Variants in FBXO30 observed in about 807,000 individuals in gnomAD.
The protein encoded by FBXO30 is F-box protein 30.
In FBXO30, 21 loss-of-function variants were observed where a neutral mutation model predicts 58.1. The observed-to-expected ratio is 0.36, with a 90% CI of 0.26 to 0.52. FBXO30 has a LOEUF of 0.52. Ranked by LOEUF, FBXO30 falls within the 20% of genes least tolerant of loss-of-function variation. The probability of loss-of-function intolerance (pLI) is 0.93; values close to 1 mark genes in which losing one functional copy is unlikely to be tolerated. For synonymous variants in FBXO30, 309 were observed against 312.4 expected (o/e 0.99, Z 0.11); for missense variants, 744 against 897.3 (o/e 0.83, Z 2.18).
intron 2 of FBXO30, among the ~76,000 whole-genome samples, chr6:145,802,020 C>T (rs373059789): frequency 6.6e-6 from 1 of 152,112 alleles, no homozygotes; most frequent in Admixed American, 6.5e-5. Context: ...CAAATATTTA[C>T]TCAGTGCCTA....
Position 145,796,028 on chromosome 6 carries a change from A to T in FBXO30, c.*4078T>A, listed in dbSNP as rs766676789. The stretch of plus-strand genomic sequence containing the variant: ...TAGGCAACATTTTCCAAATTTCCTT[A>T]CATCTAAACATCTCTTTTCTTCCTG... On this transcript the variant is annotated 3_prime_UTR_variant, in exon 3 of 3. Transcript: ENST00000237281. 1 of 151,954 alleles carries T rather than the reference A, an allele frequency of 6.6e-6. No individual in the cohort carries two copies. Among genetic ancestry groups the T allele is most frequent in the Non-Finnish European group, 1.5e-5 (1 of 67,880 alleles). 9.4% of individuals were successfully genotyped at this position (151,954 alleles called of 1,614,324 possible). A position where few individuals can be genotyped will look rare whatever the true frequency, so the allele number is the denominator to read the frequency against.
chr6:145,808,126 T>C (rs1778231446), intron 1 of FBXO30, among the ~76,000 whole-genome samples: 1 of 151,888 alleles, frequency 6.6e-6, no homozygotes, highest in Non-Finnish European at 1.5e-5. Context: ...AGAGTGAGGC[T>C]CTGTCTCAAA....
intron 2 of FBXO30, among the ~76,000 whole-genome samples, chr6:145,800,951 C>T (rs1240149896): frequency 1.3e-5 from 2 of 151,964 alleles, no homozygotes; most frequent in Admixed American, 1.3e-4. Flanking sequence ...CATTGTAAAA[C>T]ATGTTTCTAG....
At chr6:145,807,439 C>T (rs540170993) in intron 1 of FBXO30, among the ~76,000 whole-genome samples, 1 of 152,248 alleles carries the variant, frequency 6.6e-6, no homozygotes, top group African/African-American at 2.4e-5. Flanking sequence ...ATTAGCAAAA[C>T]CTCAAGTTCC....
In FBXO30 at chr6:145,804,641, C is replaced by T; in HGVS notation, c.1765G>A (p.Val589Ile). The T allele has an allele frequency of 1.9e-6, 3 of 1,613,866 alleles. No individual in the cohort carries two copies. The highest frequency in any genetic ancestry group is 2.5e-6 in the Non-Finnish European group (3 of 1,179,872). Reference sequence around the variant, plus strand: ...AATACTGTAGATACACATGGCTGAACTCCAAATGACCTCAAATGGCGGTCA... The same window carrying T: ...AATACTGTAGATACACATGGCTGAATTCCAAATGACCTCAAATGGCGGTCA... ...IHDRHLRSFG[V>I]QPCVSTVLVE... Residue 589 changes from valine to isoleucine, a missense_variant, in exon 2 of 3, where the codon GTT becomes ATT. Physicochemically the swap from Val to Ile is conservative, Grantham distance 29. Coordinates refer to ENST00000237281, the MANE Select transcript of FBXO30 (RefSeq NM_032145.5).
chr6:145,799,953 T>G lies in FBXO30; in HGVS notation c.*153A>C, dbSNP rs1207951880. 5 of 615,586 alleles carry G rather than the reference T, an allele frequency of 8.1e-6. No homozygotes were observed. The African/African-American group carries it at 9.5e-5, about 12-fold the overall frequency. The allele number at this position is 615,586 out of a possible 1,614,324, so 38.1% of individuals were successfully genotyped here. On this transcript the variant is annotated 3_prime_UTR_variant, in exon 3 of 3. Transcript: ENST00000237281. ...AAGGCAACTTTTTCCAACTAAACAG[T>G]ACTTTATAAAAATAGATGTCACTTC...
At chr6:145,801,163 G>C (rs1252056449) in intron 2 of FBXO30, among the ~76,000 whole-genome samples, 1 of 152,066 alleles carries the variant, frequency 6.6e-6, no homozygotes, top group East Asian at 1.9e-4. Context: ...TGCAGAGCAG[G>C]ACAGACCTAG....
At chr6:145,809,024 T>C (rs777093537) in intron 1 of FBXO30, among the ~76,000 whole-genome samples, 25 of 130,052 alleles carry the variant, frequency 1.9e-4, no homozygotes, top group Non-Finnish European at 4.1e-4. Context: ...TGTTCAATGA[T>C]GTCAAAGAAA....
Position 145,804,639 on chromosome 6 carries a change from A to T in FBXO30, c.1767T>A (p.Val589=). The part of the protein sequence containing the change: ...IHDRHLRSFG[V]QPCVSTVLVE... ...CTAATACTGTAGATACACATGGCTG[A>T]ACTCCAAATGACCTCAAATGGCGGT... Residue 589 remains valine (V), a synonymous_variant, in exon 2 of 3, where the codon GTT becomes GTA. Transcript: ENST00000237281. 6.2e-7 allele frequency: 1 copy of T among 1,613,900 alleles called. No homozygotes were observed. The highest frequency in any genetic ancestry group is 1.7e-5 in the Admixed American group (1 of 59,928).
At position 145,796,071 on chromosome 6, in the gene FBXO30, A is replaced by T. The variant is rs568923094; in HGVS notation, c.*4035T>A. ...TCTTCCTGCATTCGTAAAGTGAAAA[A>T]GTGATCTATGTAAGGACATAATTCT... On this transcript the variant is annotated 3_prime_UTR_variant, in exon 3 of 3. Transcript: ENST00000237281. 2.0e-4 allele frequency: 30 copies of T among 152,114 alleles called. No homozygotes were observed. The highest frequency in any genetic ancestry group is 6.7e-4 in the African/African-American group (28 of 41,556). The allele number at this position is 152,114 out of a possible 1,614,324, so 9.4% of individuals were successfully genotyped here.
chr6:145,805,489 T>C lies in FBXO30; in HGVS notation c.917A>G (p.Asp306Gly), dbSNP rs775919240. 1 of 1,606,488 alleles carries C rather than the reference T, an allele frequency of 6.2e-7. No individual in the cohort carries two copies. The change falls in exon 2 of 3, where the codon GAT becomes GGT. Residue 306 changes from aspartate (D) to glycine (G), a missense_variant. Physicochemically the swap from Asp to Gly is moderately conservative, Grantham distance 94. Coordinates refer to ENST00000237281, the MANE Select transcript of FBXO30 (RefSeq NM_032145.5). ...VIDQNQNLHG[D>G]SKQSNLTNGD... ...ATTTGTTAAGTTACTTTGTTTTGAA[T>C]CACCATGTAAATTCTGATTCTGGTC... is the stretch of plus-strand genomic sequence containing the variant.
At position 145,798,997 on chromosome 6, in the gene FBXO30, A is replaced by C. The variant is rs144381317; in HGVS notation, c.*1109T>G. ...TATAAATCAATTTGAAAACTATAAT[A>C]AACTACTTCAAGAATAGGTATATTT... On this transcript the variant is annotated 3_prime_UTR_variant, in exon 3 of 3. Coordinates refer to ENST00000237281, the MANE Select transcript of FBXO30 (RefSeq NM_032145.5). 6.6e-6 allele frequency: 1 copy of C among 152,094 alleles called. No individual in the cohort carries two copies. The highest frequency in any genetic ancestry group is 2.4e-5 in the African/African-American group (1 of 41,538). The allele number at this position is 152,094 out of a possible 1,614,324, so 9.4% of individuals were successfully genotyped here. A position where few individuals can be genotyped will look rare whatever the true frequency, so the allele number is the denominator to read the frequency against.
Position 145,805,411 on chromosome 6 carries a change from G to T in FBXO30, c.995C>A (p.Ala332Glu). ...TATTTCCCTAAGTTGTGCTGCCACC[G>T]CAAGTGAGCTGGAAGGTTTTGAAGT... ...DGTSKPSSSL[A>E]VAAQLREIIP... Residue 332 changes from alanine (A) to glutamate (E), a missense_variant, in exon 2 of 3, where the codon GCG becomes GAG. This residue lies in a region of FBXO30 where 275 missense variants were observed against 262.0 expected (regional missense o/e 1.05). Coordinates refer to ENST00000237281, the MANE Select transcript of FBXO30 (RefSeq NM_032145.5). 6.2e-7 allele frequency: 1 copy of T among 1,613,942 alleles called. No homozygotes were observed. Among genetic ancestry groups the T allele is most frequent in the Non-Finnish European group, 8.5e-7 (1 of 1,179,928 alleles).
rs147206535 is a variant in FBXO30, at chr6:145,805,154, T to A, written c.1252A>T (p.Met418Leu). ...ATCAGATCTATTCCTTGGAGGCCCA[T>A]AGGATCTTCTGCAACTTCCAAATCT... ...TSDLEVAEDP[M>L]GLQGIDLITA... is the part of the protein sequence containing the mutation. Residue 418 changes from methionine to leucine, a missense_variant, in exon 2 of 3, where the codon ATG (methionine) becomes TTG (leucine). Met to Leu is a conservative substitution (Grantham distance 15, BLOSUM62 2). This residue lies in a region of FBXO30 where 334 missense variants were observed against 433.7 expected (regional missense o/e 0.77). Transcript: ENST00000237281. 2.5e-6 allele frequency: 4 copies of A among 1,613,986 alleles called. 1 individual carries two copies. In the African/African-American group the frequency reaches 5.3e-5, roughly 22 times the overall value.
rs1777943091 is a variant in FBXO30 at position 145,799,868 on chromosome 6, A to G, written c.*238T>C. The G allele has an allele frequency of 3.5e-6, 1 of 287,744 alleles. No individual in the cohort carries two copies. Among genetic ancestry groups the G allele is most frequent in the South Asian group, 8.0e-5 (1 of 12,446 alleles). 17.8% of individuals were successfully genotyped at this position (287,744 alleles called of 1,614,324 possible). A position where few individuals can be genotyped will look rare whatever the true frequency, so the allele number is the denominator to read the frequency against. ...AAAATACTAATTCTTAAAATTATGT[A>G]GCTAAAAATTAAATCACCCTGTCCA... On this transcript the variant is annotated 3_prime_UTR_variant, in exon 3 of 3. Coordinates refer to ENST00000237281, the MANE Select transcript of FBXO30 (RefSeq NM_032145.5).
rs376607100 is a variant in FBXO30 at position 145,812,198 on chromosome 6, T to C, written c.-17+2405A>G. Reference sequence around the variant, plus strand: ...GACCTAATTATATGGACTTTTTTCATGTTTTATTGTTCCAGATAAAATATA... The same window carrying C: ...GACCTAATTATATGGACTTTTTTCACGTTTTATTGTTCCAGATAAAATATA... On this transcript the variant is annotated intron_variant, in intron 1 of 2. Transcript: ENST00000237281. Among the ~76,000 whole-genome samples the C allele has an allele frequency of 3.3e-5, 5 of 152,302 alleles. No individual in the cohort carries two copies. The South Asian group carries it at 1.0e-3, about 32-fold the overall frequency.
chr6:145,800,449 G>A, intron 2 of FBXO30, 140 bp from the exon 3 acceptor site: 1 of 615,300 alleles, frequency 1.6e-6, no homozygotes, highest in Non-Finnish European at 2.7e-6. Context: ...ATTAAAAATT[G>A]GTAAATCCTT....
intron 2 of FBXO30, among the ~76,000 whole-genome samples, chr6:145,801,787 C>T (rs1233085173): frequency 1.3e-5 from 2 of 152,044 alleles, no homozygotes; most frequent in African/African-American, 2.4e-5. Flanking sequence ...CCTTACCATT[C>T]CCCATGCTCA....
chr6:145,814,481 C>A (rs963363302), intron 1 of FBXO30, 122 bp downstream of exon 1: 2 of 151,910 alleles, frequency 1.3e-5, no homozygotes, highest in African/African-American at 4.8e-5. Flanking sequence ...GCCCGTCAAC[C>A]CCACGGCCGC....
Sources: allele counts gnomAD v4.1 joint callset (sites outside exome capture counted in the v4.1 genomes callset), GRCh38; gene constraint gnomAD v4.1.1; regional missense constraint gnomAD v4.1.1; transcripts MANE v1.5; gene names NCBI Gene and HGNC (gene_info 2026-07-23, HGNC 2026-07-21).